Variants in SLC9A8 observed in about 807,000 individuals in gnomAD.
SLC9A8 encodes solute carrier family 9 member A8, also known as sodium/hydrogen exchanger 8.
Under a neutral mutation model 66.6 loss-of-function variants are expected in SLC9A8, and 48 were observed. The ratio of observed to expected loss-of-function variants is 0.72; its 90% CI spans 0.57 to 0.92. The LOEUF is 0.92. Ranked by LOEUF, SLC9A8 falls within the 40% of genes least tolerant of loss-of-function variation. SLC9A8 has a pLI of 0.00. For synonymous variants in SLC9A8, 274 were observed against 282.6 expected (o/e 0.97, Z 0.31); for missense variants, 599 against 747.3 (o/e 0.80, Z 2.31).
At chr20:49,864,936 A>G (rs1431408202) in intron 10 of SLC9A8, 92 bp downstream of exon 10, 13 of 816,858 alleles carry the variant, frequency 1.6e-5, no homozygotes, top group Non-Finnish European at 2.1e-6. Context: ...TTTTAGTCAC[A>G]AGAGACAGTC....
In SLC9A8 at chr20:49,888,139, A is replaced by T; in HGVS notation, c.*203A>T. 1 of 510,630 alleles carries T rather than the reference A, an allele frequency of 2.0e-6. No homozygotes were observed. The highest frequency in any genetic ancestry group is 3.6e-6 in the Non-Finnish European group (1 of 280,796). 31.6% of individuals were successfully genotyped at this position (510,630 alleles called of 1,614,324 possible). ...CCAGGCGACTTCTTGGGAAACTGTCATCTCCCGACTCCTCCCTGAGCCAGC... is the reference window on the plus strand; with the variant it reads ...CCAGGCGACTTCTTGGGAAACTGTCTTCTCCCGACTCCTCCCTGAGCCAGC... On this transcript the variant is annotated 3_prime_UTR_variant, in exon 16 of 16. Coordinates refer to ENST00000361573, the MANE Select transcript of SLC9A8 (RefSeq NM_015266.3).
chr20:49,827,359 T>A (rs993315656), intron 3 of SLC9A8, among the ~76,000 whole-genome samples: 4 of 151,190 alleles, frequency 2.6e-5, no homozygotes, highest in Non-Finnish European at 5.9e-5. Context: ...TCCCAGCACT[T>A]TGGGAGGCCG....
intron 10 of SLC9A8, among the ~76,000 whole-genome samples, chr20:49,871,336 AC>A: frequency 6.6e-6 from 1 of 152,260 alleles, no homozygotes; most frequent in South Asian, 2.1e-4. Flanking sequence ...TACATCTAGA[AC>A]AGTGGATGTA....
rs528151277 is a variant in SLC9A8 at position 49,822,518 on chromosome 20, C to T, written c.209-543C>T. Among the ~76,000 whole-genome samples, 99 of 152,354 alleles carry T rather than the reference C, an allele frequency of 6.5e-4. 1 individual carries two copies. The Middle Eastern group carries it at 0.01, about 16-fold the overall frequency. ...ATAGGTTTCTGGCTGATCACCGTGGCTCACGCCTGTAATCCCAGCACTTTG... is the reference window on the plus strand; with the variant it reads ...ATAGGTTTCTGGCTGATCACCGTGGTTCACGCCTGTAATCCCAGCACTTTG... On this transcript the variant is annotated intron_variant, in intron 2 of 15. Transcript: ENST00000361573.
In SLC9A8 at chr20:49,824,762, G is replaced by A. The variant is rs543941371; in HGVS notation, c.289+1621G>A. 9.2e-5 allele frequency among the ~76,000 whole-genome samples: 14 copies of A among 152,142 alleles called. No individual in the cohort carries two copies. In the East Asian group the frequency reaches 2.5e-3, roughly 27 times the overall value. On this transcript the variant is annotated intron_variant, in intron 3 of 15. Coordinates refer to ENST00000361573, the MANE Select transcript of SLC9A8 (RefSeq NM_015266.3). Reference sequence around the variant, plus strand: ...AACCCCAAATTTGATCAGGTATCTTGCCACAGTGTGCTCAAGGAAGATGGG... The same window carrying A: ...AACCCCAAATTTGATCAGGTATCTTACCACAGTGTGCTCAAGGAAGATGGG...
chr20:49,875,366 A>C (rs184286716), intron 11 of SLC9A8, among the ~76,000 whole-genome samples: 3 of 152,276 alleles, frequency 2.0e-5, no homozygotes, highest in African/African-American at 7.2e-5. Flanking sequence ...TTTAACATTT[A>C]TGAATTGCCA....
At chr20:49,831,124 G>A (rs915413232) in intron 3 of SLC9A8, 32 of 555,710 alleles carry the variant, frequency 5.8e-5, no homozygotes, top group African/African-American at 1.1e-4. Context: ...TAATCTCTCC[G>A]CTAACTCCCT....
chr20:49,866,241 C>T (rs538228741), intron 10 of SLC9A8, among the ~76,000 whole-genome samples: 6 of 152,210 alleles, frequency 3.9e-5, no homozygotes, highest in South Asian at 4.1e-4. Context: ...GAGAGACATC[C>T]GTGTTTTTGC....
intron 4 of SLC9A8, among the ~76,000 whole-genome samples, chr20:49,841,311 TAAAA>T (rs535960944): frequency 8.1e-6 from 1 of 124,108 alleles, no homozygotes. Flanking sequence ...ACCCTGTCTC[TAAAA>T]AAAAAAAAAA....
In SLC9A8 at chr20:49,889,267, TG is replaced by T. The variant is rs2089990170; in HGVS notation, c.*1333del. 1.3e-5 allele frequency: 2 copies of T among 152,102 alleles called. No homozygotes were observed. Among genetic ancestry groups the T allele is most frequent in the African/African-American group, 4.8e-5 (2 of 41,380 alleles). 9.4% of individuals were successfully genotyped at this position (152,102 alleles called of 1,614,324 possible). Reference sequence around the variant, plus strand: ...AGCCTTGGAACCTGGCACCCTGGGGTGGTTTAATTCATCATTAAGAAGCATT... The same window carrying T: ...AGCCTTGGAACCTGGCACCCTGGGGTGTTTAATTCATCATTAAGAAGCATT... On this transcript the variant is annotated 3_prime_UTR_variant, in exon 16 of 16. Coordinates refer to ENST00000361573, the MANE Select transcript of SLC9A8 (RefSeq NM_015266.3).
At chr20:49,879,432 C>T (rs1367768165) in intron 12 of SLC9A8, among the ~76,000 whole-genome samples, 1 of 152,226 alleles carries the variant, frequency 6.6e-6, no homozygotes, top group Non-Finnish European at 1.5e-5. Context: ...GACAACAATA[C>T]CTACTTTGTA....
At chr20:49,840,662 A>T (rs1009510394) in intron 4 of SLC9A8, among the ~76,000 whole-genome samples, 2 of 152,184 alleles carry the variant, frequency 1.3e-5, no homozygotes, top group South Asian at 2.1e-4. Flanking sequence ...GCCCCACTGG[A>T]GCGCATTGCA....
chr20:49,821,206 C>G (rs1294187989), intron 2 of SLC9A8, among the ~76,000 whole-genome samples: 3 of 152,106 alleles, frequency 2.0e-5, no homozygotes, highest in Admixed American at 1.3e-4. Context: ...GTTGTTTGAT[C>G]TATTTATGAG....
At chr20:49,845,191 G>A in intron 5 of SLC9A8, 72 bp downstream of exon 5, 2 of 1,132,394 alleles carry the variant, frequency 1.8e-6, no homozygotes, top group Non-Finnish European at 1.3e-6. Context: ...TTCCTTAAAA[G>A]CTTGGGTATA....
Position 49,886,584 on chromosome 20 carries a change from C to T in SLC9A8, c.1492-168C>T, listed in dbSNP as rs2089900062. The T allele has an allele frequency of 1.4e-6, 1 of 721,050 alleles. No individual in the cohort carries two copies. Among genetic ancestry groups the T allele is most frequent in the East Asian group, 2.8e-5 (1 of 36,242 alleles). 44.7% of individuals were successfully genotyped at this position (721,050 alleles called of 1,614,324 possible). A position where few individuals can be genotyped will look rare whatever the true frequency, so the allele number is the denominator to read the frequency against. On this transcript the variant is annotated intron_variant, in intron 14 of 15. Transcript: ENST00000361573. This position sits in a 1 kb window ranked among gnomAD's most constrained non-coding sequence, Gnocchi z 4.8. ...ATTGTGCCCTGATGGACGTTCCTGCCTCCCTGCAGGCTCCCAGGAGGCCGT... is the reference window on the plus strand; with the variant it reads ...ATTGTGCCCTGATGGACGTTCCTGCTTCCCTGCAGGCTCCCAGGAGGCCGT...
At chr20:49,839,104 CTA>C (rs1364132834) in intron 3 of SLC9A8, among the ~76,000 whole-genome samples, 1 of 152,128 alleles carries the variant, frequency 6.6e-6, no homozygotes, top group Admixed American at 6.5e-5. Flanking sequence ...GTTTTTCTAG[CTA>C]AATATTCAAC....
chr20:49,861,410 G>A (rs1600749509), intron 8 of SLC9A8, among the ~76,000 whole-genome samples: 1 of 152,284 alleles, frequency 6.6e-6, no homozygotes, highest in South Asian at 2.1e-4. Flanking sequence ...TGGGTGTGGT[G>A]ATGTATGCTT....
At position 49,878,054 on chromosome 20, in the gene SLC9A8, C is replaced by T. The variant is rs753973146; in HGVS notation, c.1149C>T (p.Ile383=). 1 of 1,590,734 alleles carries T rather than the reference C, an allele frequency of 6.3e-7. No individual in the cohort carries two copies. The highest frequency in any genetic ancestry group is 2.3e-5 in the East Asian group (1 of 44,316). The change falls in exon 12 of 16, where the codon ATC becomes ATT. Residue 383 remains isoleucine, a synonymous_variant. Transcript: ENST00000361573. ...ACAAGTTTGAAATTTCCTTTGTCATCTGGTGCATAGTAAGTATTTTCCTTT... is the reference window on the plus strand; with the variant it reads ...ACAAGTTTGAAATTTCCTTTGTCATTTGGTGCATAGTAAGTATTTTCCTTT... The part of the protein sequence containing the change: ...FPHKFEISFV[I]WCIVLVLFGR...
At chr20:49,834,277 A>G (rs1200505639) in intron 3 of SLC9A8, among the ~76,000 whole-genome samples, 1 of 142,226 alleles carries the variant, frequency 7.0e-6, no homozygotes, top group Non-Finnish European at 1.5e-5. Context: ...ATATATACAC[A>G]CAGTATATGT....
Sources: gnomAD v4.1 joint callset for allele counts (sites outside exome capture counted in the v4.1 genomes callset) on GRCh38, gnomAD v4.1.1 for gene constraint, Gnocchi (gnomAD v3.1) non-coding constraint, MANE v1.5 for transcripts, NCBI Gene and HGNC (gene_info 2026-07-23, HGNC 2026-07-21) for gene names.